METTL15: variants seen among roughly 807,000 people sequenced by gnomAD.
The protein encoded by METTL15 is 12S rRNA N(4)-cytidine methyltransferase METTL15.
METTL15 carries 34 observed loss-of-function variants against 38.3 expected under a neutral mutation model. The observed-to-expected ratio is 0.89, with a 90% CI of 0.68 to 1.18. The LOEUF is 1.18. Ranked by LOEUF, METTL15 falls within the 50% of genes most tolerant of loss-of-function variation. The pLI is 0.00. For missense variants in METTL15, 438 were observed against 498.4 expected (o/e 0.88, Z 1.15); for synonymous variants, 162 against 170.9 (o/e 0.95, Z 0.41).
chr11:28,412,679 A>G (rs569631576), intron 5 of METTL15, among the ~76,000 whole-genome samples: 18 of 152,166 alleles, frequency 1.2e-4, no homozygotes, highest in African/African-American at 4.1e-4. Flanking sequence ...TGTGGAATAT[A>G]TTAAAAAGAG....
intron 5 of METTL15, among the ~76,000 whole-genome samples, chr11:28,410,310 C>T (rs902391801): frequency 1.3e-5 from 2 of 152,098 alleles, no homozygotes; most frequent in Admixed American, 6.6e-5. Flanking sequence ...GCTAGACAGA[C>T]ATTGCAAGAA....
At chr11:28,382,260 G>T (rs561530523) in intron 5 of METTL15, among the ~76,000 whole-genome samples, 2 of 152,256 alleles carry the variant, frequency 1.3e-5, no homozygotes, top group East Asian at 3.9e-4. Flanking sequence ...CTGATGTGGC[G>T]TGTCTTTGGG....
intron 5 of METTL15, among the ~76,000 whole-genome samples, chr11:28,362,295 A>G (rs962983714): frequency 2.6e-5 from 4 of 152,222 alleles, no homozygotes; most frequent in African/African-American, 7.2e-5. Flanking sequence ...TGCATTGGGT[A>G]TCAGTGAAAC....
intron 3 of METTL15, among the ~76,000 whole-genome samples, chr11:28,146,617 G>A (rs1250194134): frequency 1.3e-5 from 2 of 151,688 alleles, no homozygotes; most frequent in Non-Finnish European, 2.9e-5. Context: ...CTTGTTTGAT[G>A]CCTTTTTTCT....
In METTL15 at chr11:28,374,834, C is replaced by T. The variant is rs957992975; in HGVS notation, c.*358+12798C>T. Among the ~76,000 whole-genome samples, 18 of 150,350 alleles carry T rather than the reference C, an allele frequency of 1.2e-4. No individual in the cohort carries two copies. The South Asian group carries it at 1.3e-3, about 11-fold the overall frequency. On this transcript the variant is annotated intron_variant and NMD_transcript_variant, in intron 5 of 7. Coordinates refer to the METTL15 transcript ENST00000532947. ...AGATAGCTCTTATTATTTTGAAATA[C>T]GTCCCATCAATACCTAATTTATTGA...
chr11:28,380,359 G>C (rs1379337258), intron 5 of METTL15, among the ~76,000 whole-genome samples: 1 of 151,982 alleles, frequency 6.6e-6, no homozygotes, highest in Non-Finnish European at 1.5e-5. Flanking sequence ...TAATAGAGAT[G>C]AGGTTTCACC....
intron 3 of METTL15, among the ~76,000 whole-genome samples, chr11:28,138,621 A>C (rs1207910045): frequency 6.6e-6 from 1 of 152,180 alleles, no homozygotes; most frequent in Non-Finnish European, 1.5e-5. Context: ...TTGTTCACAG[A>C]CGGGAAGAGA....
At chr11:28,459,781 A>C (rs1851199125) in intron 6 of METTL15, among the ~76,000 whole-genome samples, 1 of 152,164 alleles carries the variant, frequency 6.6e-6, no homozygotes, top group African/African-American at 2.4e-5. Context: ...TCCCTTAAAC[A>C]GAACCAGTTG....
chr11:28,497,208 G>A (rs961738977), intron 6 of METTL15, among the ~76,000 whole-genome samples: 7 of 152,186 alleles, frequency 4.6e-5, no homozygotes, highest in African/African-American at 1.4e-4. Flanking sequence ...CTTTAGCTTT[G>A]TATCTACAAG....
chr11:28,231,265 A>G (rs1005226397), intron 4 of METTL15, among the ~76,000 whole-genome samples: 2 of 151,932 alleles, frequency 1.3e-5, no homozygotes, highest in African/African-American at 4.8e-5. Flanking sequence ...CCAAGGCAGT[A>G]TGCTTTAAAT....
intron 6 of METTL15, among the ~76,000 whole-genome samples, chr11:28,504,023 T>TCG (rs1362397080): frequency 6.7e-6 from 1 of 150,016 alleles, no homozygotes; most frequent in Non-Finnish European, 1.5e-5. Flanking sequence ...AGGTGAAACA[T>TCG]CGTCTCTACT....
chr11:28,479,147 T>A (rs1423074816), intron 6 of METTL15, among the ~76,000 whole-genome samples: 1 of 151,974 alleles, frequency 6.6e-6, no homozygotes, highest in African/African-American at 2.4e-5. Context: ...GAACTAAGAA[T>A]AAAGGAAAGG....
intron 6 of METTL15, among the ~76,000 whole-genome samples, chr11:28,500,517 A>T (rs894152305): frequency 2.2e-4 from 34 of 151,498 alleles, no homozygotes; most frequent in African/African-American, 7.5e-4. Context: ...ATGCAATGTG[A>T]GCAATATTTT....
intron 6 of METTL15, among the ~76,000 whole-genome samples, chr11:28,305,496 G>A (rs971064589): frequency 6.6e-6 from 1 of 151,806 alleles, no homozygotes; most frequent in Non-Finnish European, 1.5e-5. Flanking sequence ...GGTAACTGAA[G>A]TATAAAAAGA....
chr11:28,211,664 CTTCT>C (rs1196621320), intron 4 of METTL15, among the ~76,000 whole-genome samples: 1 of 151,770 alleles, frequency 6.6e-6, no homozygotes, highest in Non-Finnish European at 1.5e-5. Context: ...GTGATCCATC[CTTCT>C]ATCAGAAAAA....
At chr11:28,468,725 G>A (rs12284845) in intron 6 of METTL15, among the ~76,000 whole-genome samples, 2,830 of 152,254 alleles carry the variant, frequency 0.019, 55 homozygotes, top group African/African-American at 0.053. Flanking sequence ...AGGGAGCTTC[G>A]TGACAGGGGC....
intron 6 of METTL15, among the ~76,000 whole-genome samples, chr11:28,503,337 A>G (rs1851600074): frequency 6.6e-6 from 1 of 152,226 alleles, no homozygotes; most frequent in Non-Finnish European, 1.5e-5. Flanking sequence ...TTTGACCACT[A>G]TTTCCAGGTA....
At chr11:28,296,603 A>G in intron 5 of METTL15, 150 bp from the exon 6 acceptor site, 1 of 691,980 alleles carries the variant, frequency 1.4e-6, no homozygotes, top group Admixed American at 3.0e-5. Flanking sequence ...AGTCTATTTC[A>G]TTTGTTTAAG....
chr11:28,338,075 CTTTTTTT>C (rs112039826), downstream of METTL15, among the ~76,000 whole-genome samples: 1 of 142,506 alleles, frequency 7.0e-6, no homozygotes, highest in African/African-American at 2.6e-5. Flanking sequence ...ATCTTTGCTT[CTTTTTTT>C]TTTTTTTCCT....
Sources: gnomAD v4.1 joint callset for allele counts (sites outside exome capture counted in the v4.1 genomes callset) on GRCh38, gnomAD v4.1.1 for gene constraint, MANE v1.5 for transcripts, NCBI Gene and HGNC (gene_info 2026-07-23, HGNC 2026-07-21) for gene names.